ZNF600: variants seen among roughly 807,000 people sequenced by gnomAD.
ZNF600 encodes the protein zinc finger protein KR-ZNF1.
In ZNF600, 4 loss-of-function variants were observed where a neutral mutation model predicts 7.3. The observed-to-expected ratio is 0.55, with a 90% CI of 0.27 to 1.25. ZNF600 has a LOEUF of 1.25. ZNF600 is among the 50% of genes most tolerant of loss of function. The pLI, the probability that ZNF600 is intolerant of heterozygous loss-of-function variation, is 0.12. For missense variants in ZNF600, 911 were observed against 922.1 expected (o/e 0.99, Z 0.16); for synonymous variants, 290 against 308.9 (o/e 0.94, Z 0.64).
At chr19:52,771,350 T>C (rs1232182252) in intron 3 of ZNF600, among the ~76,000 whole-genome samples, 12 of 151,488 alleles carry the variant, frequency 7.9e-5, no homozygotes, top group African/African-American at 2.2e-4. Context: ...AGCTATTTCT[T>C]TTTTTTTGTC....
At chr19:52,790,412 G>T (rs961522462), upstream of ZNF600, among the ~76,000 whole-genome samples, 3 of 152,234 alleles carry the variant, frequency 2.0e-5, no homozygotes, top group East Asian at 5.8e-4. Context: ...CAGAAGAATC[G>T]CTTGAACCCA....
intron 1 of ZNF600, among the ~76,000 whole-genome samples, 174 bp downstream of exon 3, chr19:52,780,407 G>A (rs1222758924): frequency 6.6e-6 from 1 of 152,094 alleles, no homozygotes; most frequent in Non-Finnish European, 1.5e-5. Context: ...TAGAGAGAGG[G>A]ACAGCTCAAG....
the ZNF600 span, chr19:52,801,766 G>A: frequency 4.2e-6 from 6 of 1,417,550 alleles, no homozygotes; most frequent in Non-Finnish European, 5.7e-6. Flanking sequence ...ACTGAAATGT[G>A]TAAATATGAC....
At chr19:52,809,875 G>A in the ZNF600 span, 1 of 713,106 alleles carries the variant, frequency 1.4e-6, no homozygotes, top group African/African-American at 1.8e-5. Flanking sequence ...CCTGCGGGCG[G>A]TCCGGGATCC....
upstream of ZNF600, among the ~76,000 whole-genome samples, chr19:52,787,056 A>G (rs369015247): frequency 6.6e-6 from 1 of 152,276 alleles, no homozygotes; most frequent in Non-Finnish European, 1.5e-5. Context: ...AGGGCGGAAC[A>G]TACGATTTCA....
the ZNF600 span, among the ~76,000 whole-genome samples, chr19:52,827,528 C>G: frequency 6.6e-6 from 1 of 152,048 alleles, no homozygotes; most frequent in Admixed American, 6.6e-5. Flanking sequence ...CAAGACCATG[C>G]CCAGTGCAGC....
the ZNF600 span, chr19:52,810,207 C>G: frequency 9.3e-7 from 1 of 1,073,708 alleles, no homozygotes; most frequent in Non-Finnish European, 1.5e-6. Context: ...GCTAAAGGAG[C>G]TACAGAACGA....
intron 3 of ZNF600, among the ~76,000 whole-genome samples, chr19:52,772,458 C>T (rs2062637695): frequency 6.6e-6 from 1 of 151,980 alleles, no homozygotes; most frequent in African/African-American, 2.4e-5. Flanking sequence ...CAAAAATTAG[C>T]CAGGCGTGGT....
the ZNF600 span, chr19:52,810,473 TC>T: frequency 1.9e-6 from 3 of 1,587,608 alleles, no homozygotes; most frequent in South Asian, 3.3e-5. Context: ...AGTGAGGACT[TC>T]CTTGGCCTTG....
the ZNF600 span, chr19:52,817,809 C>T: frequency 1.3e-6 from 2 of 1,547,842 alleles, no homozygotes; most frequent in South Asian, 1.1e-5. Context: ...ATGAGATGAA[C>T]TGAAGGAAGG....
the ZNF600 span, among the ~76,000 whole-genome samples, chr19:52,803,014 G>A: frequency 2.6e-5 from 4 of 151,988 alleles, no homozygotes; most frequent in African/African-American, 9.7e-5. Context: ...CCTTGCCTCA[G>A]CCTCCCAAAG....
chr19:52,765,736 T>C, exon 4 of ZNF600: 1 of 1,613,784 alleles, frequency 6.2e-7, no homozygotes, highest in Non-Finnish European at 8.5e-7. Flanking sequence ...CTCCCAAAAG[T>C]CTTGTCACAA....
chr19:52,814,284 A>C, the ZNF600 span: 1 of 146,182 alleles, frequency 6.8e-6, no homozygotes, highest in African/African-American at 2.7e-5. Flanking sequence ...AAATATAACC[A>C]TATATATTTA....
At chr19:52,770,021 C>T (rs1273993625) in intron 3 of ZNF600, among the ~76,000 whole-genome samples, 1 of 152,052 alleles carries the variant, frequency 6.6e-6, no homozygotes, top group Admixed American at 6.6e-5. Flanking sequence ...TAAACAATTC[C>T]CTCTTAAGAA....
chr19:52,828,166 C>T, the ZNF600 span, among the ~76,000 whole-genome samples: 1 of 152,040 alleles, frequency 6.6e-6, no homozygotes. Flanking sequence ...ATTCTCCTGC[C>T]TCAGCCTCCT....
the ZNF600 span, chr19:52,810,054 T>A: frequency 1.3e-6 from 1 of 740,836 alleles, no homozygotes; most frequent in Non-Finnish European, 2.4e-6. Flanking sequence ...CCGCGCCCCA[T>A]GCCTGGGAGC....
the ZNF600 span, among the ~76,000 whole-genome samples, chr19:52,813,252 A>AG: frequency 6.3e-5 from 9 of 142,428 alleles, no homozygotes; most frequent in Admixed American, 5.7e-4. Context: ...GAATGGTGAA[A>AG]AAAAAAAAAA....
At chr19:52,775,611 T>G (rs2062668464) in intron 2 of ZNF600, among the ~76,000 whole-genome samples, 1 of 149,306 alleles carries the variant, frequency 6.7e-6, no homozygotes. Flanking sequence ...GATATTATGT[T>G]CAACATACCA....
At chr19:52,809,845 G>A in the ZNF600 span, 2 of 578,180 alleles carry the variant, frequency 3.5e-6, no homozygotes, top group Non-Finnish European at 6.0e-6. Context: ...GGCGGTGGCG[G>A]TGGTGGCAGT....
Sources: gnomAD v4.1 joint callset for allele counts (sites outside exome capture counted in the v4.1 genomes callset) on GRCh38, gnomAD v4.1.1 for gene constraint, MANE v1.5 for transcripts, NCBI Gene and HGNC (gene_info 2026-07-23, HGNC 2026-07-21) for gene names.